The following NDST3 variants were observed in gnomAD, a reference collection of about 807,000 sequenced individuals.
The protein encoded by NDST3 is N-deacetylase and N-sulfotransferase 3.
Under a neutral mutation model 96.1 loss-of-function variants are expected in NDST3, and 58 were observed. That is an observed-to-expected ratio of 0.60 (90% CI 0.49 to 0.75). NDST3 has a LOEUF of 0.75. Among genes scored for constraint, NDST3 ranks in the 30% least tolerant of loss-of-function variants. NDST3 has a pLI of 0.00. For missense variants in NDST3, 788 were observed against 1,034.2 expected (o/e 0.76, Z 3.27); for synonymous variants, 333 against 359.7 (o/e 0.93, Z 0.84).
At chr4:118,219,609 TCAGGACA>T (rs2125991505) in intron 6 of NDST3, among the ~76,000 whole-genome samples, 1 of 152,004 alleles carries the variant, frequency 6.6e-6, no homozygotes, top group South Asian at 2.1e-4. Context: ...GCAATACCAC[TCAGGACA>T]CAGGCATGAG....
At position 118,237,147 on chromosome 4, in the gene NDST3, C is replaced by T; in HGVS notation, c.2045C>T (p.Ala682Val). The T allele has an allele frequency of 1.2e-6, 2 of 1,613,682 alleles. No individual in the cohort carries two copies. Among genetic ancestry groups the T allele is most frequent in the Non-Finnish European group, 1.7e-6 (2 of 1,179,790 alleles). ...FHSEEAPKRA[A>V]SLVPKAKIIT... ...TCAGAGGAAGCCCCTAAAAGAGCTGCTTCTCTGGTTCCCAAAGCCAAGATT... is the reference window on the plus strand; with the variant it reads ...TCAGAGGAAGCCCCTAAAAGAGCTGTTTCTCTGGTTCCCAAAGCCAAGATT... Residue 682 changes from alanine to valine, a missense_variant, in exon 10 of 14, where the codon GCT becomes GTT. Transcript: ENST00000296499.
At chr4:118,047,002 G>A (rs544043111) in intron 1 of NDST3, among the ~76,000 whole-genome samples, 88 of 152,306 alleles carry the variant, frequency 5.8e-4, no homozygotes, top group Middle Eastern at 3.4e-3. Context: ...ATGGTGAGGA[G>A]GTCACCTCTC....
Position 118,240,544 on chromosome 4 carries a change from C to T in NDST3, c.2139C>T (p.Asp713=), listed in dbSNP as rs17049697. ...SWYQHQRSHE[D]PAALKFSFYE... is the part of the protein sequence containing the mutation. ...CATAGCATCAGCGATCACATGAAGA[C>T]CCTGCAGCTCTGAAGTTTAGCTTCT... Residue 713 remains aspartate (D), a synonymous_variant, in exon 11 of 14, where the codon GAC becomes GAT. Coordinates refer to ENST00000296499, the MANE Select transcript of NDST3 (RefSeq NM_004784.3). The T allele has an allele frequency of 0.025, 39,724 of 1,612,314 alleles. 589 individuals are homozygous for T. Among genetic ancestry groups the T allele is most frequent in the African/African-American group, 0.047 (3,488 of 74,956 alleles).
chr4:118,086,454 T>C (rs1728425474), intron 2 of NDST3, among the ~76,000 whole-genome samples: 1 of 152,074 alleles, frequency 6.6e-6, no homozygotes, highest in African/African-American at 2.4e-5. Flanking sequence ...ACTTAGTCAT[T>C]CAGACACCAC....
intron 2 of NDST3, among the ~76,000 whole-genome samples, chr4:118,087,200 A>T (rs558804385): frequency 6.6e-6 from 1 of 152,170 alleles, no homozygotes; most frequent in Non-Finnish European, 1.5e-5. Flanking sequence ...GAAATCGTGC[A>T]TGCCTTCTCT....
intron 6 of NDST3, among the ~76,000 whole-genome samples, chr4:118,201,372 C>T (rs1360283822): frequency 1.3e-5 from 2 of 152,200 alleles, no homozygotes; most frequent in Non-Finnish European, 2.9e-5. Context: ...TTGCTTTCCA[C>T]AGTGGCTAAA....
chr4:118,174,798 T>C (rs1736172244), intron 6 of NDST3, among the ~76,000 whole-genome samples: 1 of 152,132 alleles, frequency 6.6e-6, no homozygotes, highest in Admixed American at 6.6e-5. Flanking sequence ...CAGGTACAAG[T>C]GTCCTTGAGT....
chr4:118,169,530 AC>A (rs1735785001), intron 6 of NDST3, among the ~76,000 whole-genome samples: 1 of 152,170 alleles, frequency 6.6e-6, no homozygotes, highest in Non-Finnish European at 1.5e-5. Flanking sequence ...ACAGTGGCTC[AC>A]GCCTGTAATC....
chr4:118,157,844 A>G (rs925890412), intron 6 of NDST3, among the ~76,000 whole-genome samples: 5 of 152,210 alleles, frequency 3.3e-5, no homozygotes, highest in Non-Finnish European at 7.3e-5. Context: ...CCTAACATGG[A>G]TGTGTATGTA....
At chr4:118,209,130 T>G (rs1427965093) in intron 6 of NDST3, among the ~76,000 whole-genome samples, 1 of 152,184 alleles carries the variant, frequency 6.6e-6, no homozygotes, top group African/African-American at 2.4e-5. Context: ...CCTATATCTA[T>G]TATATTGTGG....
chr4:118,153,991 A>G (rs899418599), intron 6 of NDST3, among the ~76,000 whole-genome samples: 8 of 152,168 alleles, frequency 5.3e-5, no homozygotes, highest in African/African-American at 1.7e-4. Flanking sequence ...GATGATTTCC[A>G]TTATCTTCCT....
At chr4:118,169,002 T>C (rs1005417271) in intron 6 of NDST3, among the ~76,000 whole-genome samples, 2 of 152,182 alleles carry the variant, frequency 1.3e-5, no homozygotes, top group Non-Finnish European at 2.9e-5. Flanking sequence ...TTTTCAATTA[T>C]GCAAGATGAA....
At chr4:118,114,763 C>T (rs1405612295) in intron 3 of NDST3, 43 bp from the exon 4 acceptor site, 4 of 1,560,754 alleles carry the variant, frequency 2.6e-6, no homozygotes, top group Non-Finnish European at 3.5e-6. Context: ...GATCATAGAT[C>T]AGTGTAACTG....
intron 6 of NDST3, among the ~76,000 whole-genome samples, chr4:118,174,167 G>T (rs1040313122): frequency 1.3e-5 from 2 of 152,206 alleles, no homozygotes; most frequent in African/African-American, 4.8e-5. Flanking sequence ...TGCGTCAGAA[G>T]CACAGCTTCG....
At chr4:118,064,514 T>C (rs1404109893) in intron 2 of NDST3, among the ~76,000 whole-genome samples, 1 of 152,070 alleles carries the variant, frequency 6.6e-6, no homozygotes, top group African/African-American at 2.4e-5. Flanking sequence ...AGCCAACTTA[T>C]TAAACTTCTA....
intron 4 of NDST3, among the ~76,000 whole-genome samples, chr4:118,129,670 G>A (rs911324511): frequency 1.3e-5 from 2 of 152,044 alleles, no homozygotes; most frequent in Non-Finnish European, 2.9e-5. Flanking sequence ...GTAGCCTTTG[G>A]TTGAAATGTT....
intron 2 of NDST3, among the ~76,000 whole-genome samples, chr4:118,101,537 C>T (rs1729764241): frequency 6.6e-6 from 1 of 152,048 alleles, no homozygotes; most frequent in Non-Finnish European, 1.5e-5. Flanking sequence ...GTTTTGTTTG[C>T]TAAAGCATAA....
intron 6 of NDST3, among the ~76,000 whole-genome samples, chr4:118,208,791 C>T (rs1325836039): frequency 6.9e-6 from 1 of 144,522 alleles, no homozygotes; most frequent in Non-Finnish European, 1.5e-5. Flanking sequence ...GAGGGGCTGT[C>T]TTAAAATAAA....
chr4:118,177,613 T>C (rs1197101131), intron 6 of NDST3, among the ~76,000 whole-genome samples: 1 of 152,024 alleles, frequency 6.6e-6, no homozygotes, highest in African/African-American at 2.4e-5. Flanking sequence ...GCCAGACATA[T>C]TTTAACAACA....
Sources: allele counts gnomAD v4.1 joint callset (sites outside exome capture counted in the v4.1 genomes callset), GRCh38; gene constraint gnomAD v4.1.1; transcripts MANE v1.5; gene names NCBI Gene and HGNC (gene_info 2026-07-23, HGNC 2026-07-21).